Variants in SHROOM3 observed in about 807,000 individuals in gnomAD.
SHROOM3 encodes protein Shroom3.
SHROOM3 carries 47 observed loss-of-function variants against 138.6 expected under a neutral mutation model. The observed-to-expected ratio is 0.34, with a 90% CI of 0.27 to 0.43. The LOEUF (loss-of-function observed/expected upper bound fraction) is 0.43, where lower values mean the gene tolerates loss of function less well. Among genes scored for constraint, SHROOM3 ranks in the 20% least tolerant of loss-of-function variants. SHROOM3 has a pLI of 1.00. For synonymous variants in SHROOM3, 1,062 were observed against 1,063.3 expected (o/e 1.00, Z 0.02); for missense variants, 2,491 against 2,596.5 (o/e 0.96, Z 0.88).
intron 2 of SHROOM3, among the ~76,000 whole-genome samples, chr4:76,569,838 C>T (rs1180912124): frequency 6.6e-6 from 1 of 152,012 alleles, no homozygotes. Flanking sequence ...TAACAGATGC[C>T]AACACCCACT....
rs369905488 is a variant in SHROOM3, at chr4:76,536,838, C to T, written c.169-18771C>T. ...TATAAATAATGCAGGCAAGGCTGGG[C>T]GTGATGGCTCACACCTGTAATCCCA... On this transcript the variant is annotated intron_variant, in intron 1 of 10. Coordinates refer to ENST00000296043, the MANE Select transcript of SHROOM3 (RefSeq NM_020859.4). Among the ~76,000 whole-genome samples, 5 of 152,230 alleles carry T rather than the reference C, an allele frequency of 3.3e-5. No homozygotes were observed. In the South Asian group the frequency reaches 8.3e-4, roughly 25 times the overall value.
chr4:76,642,622 T>G (rs1735703275), intron 2 of SHROOM3, among the ~76,000 whole-genome samples: 1 of 152,140 alleles, frequency 6.6e-6, no homozygotes, highest in Admixed American at 6.5e-5. Context: ...TTGTTTGAAA[T>G]TTAAACTTTT....
chr4:76,573,084 AAAAAAAT>A (rs1733863835), intron 2 of SHROOM3, among the ~76,000 whole-genome samples: 1 of 151,924 alleles, frequency 6.6e-6, no homozygotes, highest in Non-Finnish European at 1.5e-5. Context: ...CTGTCTCAAA[AAAAAAAT>A]AAAAAAGAAA....
intron 1 of SHROOM3, among the ~76,000 whole-genome samples, chr4:76,520,421 C>CTATA (rs149684111): frequency 6.6e-6 from 1 of 150,650 alleles, no homozygotes; most frequent in African/African-American, 2.4e-5. Flanking sequence ...GTGTTCTAAG[C>CTATA]TATATATATA....
chr4:76,659,434 A>G (rs1387623706), intron 2 of SHROOM3, among the ~76,000 whole-genome samples: 4 of 152,194 alleles, frequency 2.6e-5, no homozygotes, highest in South Asian at 2.1e-4. Flanking sequence ...TACTTTTCAT[A>G]TTGGTCATTT....
chr4:76,721,093 A>C (rs910219378), intron 3 of SHROOM3, among the ~76,000 whole-genome samples: 53 of 151,872 alleles, frequency 3.5e-4, no homozygotes, highest in African/African-American at 1.1e-3. Context: ...GGGCGGATCA[A>C]GAGGTCAGGA....
chr4:76,533,475 A>G (rs1050386797), intron 1 of SHROOM3, among the ~76,000 whole-genome samples: 2 of 152,180 alleles, frequency 1.3e-5, no homozygotes, highest in African/African-American at 2.4e-5. Flanking sequence ...TGTTTCCAAA[A>G]TGTTCCCTTT....
intron 2 of SHROOM3, among the ~76,000 whole-genome samples, chr4:76,648,173 A>T (rs1195715323): frequency 2.6e-5 from 4 of 151,602 alleles, no homozygotes; most frequent in Non-Finnish European, 5.9e-5. Context: ...GCAAAAAATT[A>T]AAAAATTACC....
At chr4:76,438,651 C>T (rs1407236031) in intron 1 of SHROOM3, among the ~76,000 whole-genome samples, 1 of 152,178 alleles carries the variant, frequency 6.6e-6, no homozygotes, top group Admixed American at 6.5e-5. Context: ...CTCCCTTCTA[C>T]ACTTCCATAT....
Position 76,740,638 on chromosome 4 carries a change from G to A in SHROOM3, c.2465G>A (p.Gly822Glu), listed in dbSNP as rs1285352546. The change falls in exon 5 of 11, where the codon GGG becomes GAG. Residue 822 changes from glycine to glutamate, a missense_variant. Physicochemically the swap from Gly to Glu is moderately conservative, Grantham distance 98. This residue lies in a region of SHROOM3 where 1,733 missense variants were observed against 1,661.6 expected (regional missense o/e 1.04). Coordinates refer to ENST00000296043, the MANE Select transcript of SHROOM3 (RefSeq NM_020859.4). This position sits in a 1 kb window ranked among gnomAD's most constrained non-coding sequence, Gnocchi z 4.0. ...HRTVSTSSTS[G>E]NDFEETKAHI... The stretch of plus-strand genomic sequence containing the variant: ...ACCGTCTCAACTTCCAGTACTTCTG[G>A]GAATGACTTCGAGGAGACAAAAGCA... 2 of 1,614,178 alleles carry A rather than the reference G, an allele frequency of 1.2e-6. No individual in the cohort carries two copies. Among genetic ancestry groups the A allele is most frequent in the Non-Finnish European group, 1.7e-6 (2 of 1,180,034 alleles).
At chr4:76,713,091 T>C (rs1170921572) in intron 3 of SHROOM3, among the ~76,000 whole-genome samples, 1 of 152,124 alleles carries the variant, frequency 6.6e-6, no homozygotes, top group Non-Finnish European at 1.5e-5. Flanking sequence ...AGCGAGTGAG[T>C]GGTGAGTGAA....
At chr4:76,615,432 G>A (rs1734853336) in intron 2 of SHROOM3, among the ~76,000 whole-genome samples, 1 of 152,154 alleles carries the variant, frequency 6.6e-6, no homozygotes, top group Non-Finnish European at 1.5e-5. Context: ...GCCGAAACGT[G>A]GTGTGTTCAG....
intron 2 of SHROOM3, among the ~76,000 whole-genome samples, chr4:76,622,819 C>T (rs188219659): frequency 2.8e-3 from 423 of 152,150 alleles, no homozygotes; most frequent in Non-Finnish European, 4.4e-3. Flanking sequence ...GTTTTTTCTT[C>T]TCAGGTTTAT....
intron 1 of SHROOM3, among the ~76,000 whole-genome samples, chr4:76,502,852 C>A (rs192652838): frequency 5.3e-5 from 8 of 152,240 alleles, no homozygotes; most frequent in Admixed American, 2.0e-4. Context: ...TTTTTTCTCT[C>A]GTATGGCTAT....
intron 2 of SHROOM3, among the ~76,000 whole-genome samples, chr4:76,575,065 T>C (rs1733911624): frequency 6.6e-6 from 1 of 152,218 alleles, no homozygotes; most frequent in African/African-American, 2.4e-5. Context: ...CAATCAATAC[T>C]ATATATCTTC....
chr4:76,555,389 C>A (rs1015292845), intron 1 of SHROOM3, among the ~76,000 whole-genome samples: 2 of 152,094 alleles, frequency 1.3e-5, no homozygotes, highest in Non-Finnish European at 2.9e-5. Context: ...TGTTTAAGGG[C>A]GCCCTCCCTG....
chr4:76,642,945 G>A (rs889628032), intron 2 of SHROOM3, among the ~76,000 whole-genome samples: 5 of 152,142 alleles, frequency 3.3e-5, no homozygotes, highest in African/African-American at 7.2e-5. Context: ...AATGGCTCAT[G>A]CCTGTAATCC....
rs548832944 is a variant in SHROOM3, at chr4:76,524,574, T to C, written c.169-31035T>C. 2.9e-3 allele frequency among the ~76,000 whole-genome samples: 443 copies of C among 152,250 alleles called. 2 individuals are homozygous for C. Among genetic ancestry groups the C allele is most frequent in the African/African-American group, 0.01 (427 of 41,540 alleles). ...CTGCCTTAATTAACAAAACAGGGTT[T>C]CTCCCTGCTGCATCCTCCAGGCACA... On this transcript the variant is annotated intron_variant, in intron 1 of 10. Transcript: ENST00000296043.
intron 2 of SHROOM3, among the ~76,000 whole-genome samples, chr4:76,614,149 G>A (rs1360401946): frequency 1.3e-5 from 2 of 151,974 alleles, no homozygotes; most frequent in Non-Finnish European, 2.9e-5. Context: ...TCCGCCTCCC[G>A]GGTTCACACC....
Sources: allele counts gnomAD v4.1 joint callset (sites outside exome capture counted in the v4.1 genomes callset), GRCh38; gene constraint gnomAD v4.1.1; regional missense constraint gnomAD v4.1.1; non-coding constraint Gnocchi (gnomAD v3.1); transcripts MANE v1.5; gene names NCBI Gene and HGNC (gene_info 2026-07-23, HGNC 2026-07-21).